Variants in LAMA4 observed in about 807,000 individuals in gnomAD.
LAMA4 encodes the protein laminin subunit alpha-4.
LAMA4 carries 127 observed loss-of-function variants against 207.1 expected under a neutral mutation model. That is an observed-to-expected ratio of 0.61 (90% confidence interval 0.53 to 0.71). The LOEUF (loss-of-function observed/expected upper bound fraction) is 0.71. Ranked by LOEUF, LAMA4 falls within the 30% of genes least tolerant of loss-of-function variation. The pLI is 0.00. For missense variants in LAMA4, 2,093 were observed against 2,246.5 expected, an observed-to-expected ratio of 0.93 and a Z score of 1.38; for synonymous variants, 761 against 816.0, an observed-to-expected ratio of 0.93 and a Z score of 1.15.
intron 24 of LAMA4, among the ~76,000 whole-genome samples, chr6:112,136,647 G>A (rs527821815): frequency 3.5e-4 from 53 of 150,078 alleles, no homozygotes; most frequent in African/African-American, 1.3e-3. Flanking sequence ...AGCCGAGATC[G>A]TGACACTGCA....
intron 5 of LAMA4, among the ~76,000 whole-genome samples, chr6:112,196,239 C>A (rs1554350463): frequency 6.6e-6 from 1 of 152,056 alleles, no homozygotes; most frequent in Non-Finnish European, 1.5e-5. Flanking sequence ...ACTATATTCA[C>A]CCTAGAATGC....
At chr6:112,244,385 G>A (rs550233779) in intron 2 of LAMA4, among the ~76,000 whole-genome samples, 6 of 152,350 alleles carry the variant, frequency 3.9e-5, no homozygotes, top group African/African-American at 1.4e-4. Flanking sequence ...TCACGGTTCT[G>A]AGACTTCCCC....
intron 17 of LAMA4, among the ~76,000 whole-genome samples, chr6:112,149,598 T>C (rs1780253184): frequency 6.6e-6 from 1 of 152,188 alleles, no homozygotes; most frequent in Non-Finnish European, 1.5e-5. Context: ...ACTGTAGTTT[T>C]CCTGAGGCCT....
At chr6:112,109,949 A>C (rs1554321102) in intron 38 of LAMA4, among the ~76,000 whole-genome samples, 1 of 152,220 alleles carries the variant, frequency 6.6e-6, no homozygotes, top group Admixed American at 6.5e-5. Flanking sequence ...TTTGCTAAGA[A>C]GGAGGAAAGA....
At chr6:112,143,670 C>T (rs1409278210) in intron 19 of LAMA4, among the ~76,000 whole-genome samples, 1 of 152,212 alleles carries the variant, frequency 6.6e-6, no homozygotes, top group African/African-American at 2.4e-5. Flanking sequence ...TGCATGTCTG[C>T]ATGAAAAGCA....
intron 7 of LAMA4, 151 bp from the exon 8 acceptor site, chr6:112,187,752 T>C (rs1463634923): frequency 2.4e-6 from 2 of 850,854 alleles, no homozygotes; most frequent in Non-Finnish European, 3.8e-6. Context: ...CAGGCTTTAG[T>C]ATCTTGCTTG....
chr6:112,120,211 T>C, intron 33 of LAMA4, 72 bp downstream of exon 33: 1 of 1,214,236 alleles, frequency 8.2e-7, no homozygotes, highest in Non-Finnish European at 1.2e-6. Context: ...GAGAGAGTAA[T>C]GGAGGCCCAT....
intron 5 of LAMA4, among the ~76,000 whole-genome samples, chr6:112,195,587 G>T (rs1417514779): frequency 3.9e-5 from 6 of 152,070 alleles, no homozygotes; most frequent in Non-Finnish European, 7.4e-5. Flanking sequence ...TGATGATACT[G>T]TGTTCTGCCT....
chr6:112,231,570 C>T (rs781929678), intron 2 of LAMA4, among the ~76,000 whole-genome samples: 8 of 152,280 alleles, frequency 5.3e-5, no homozygotes, highest in South Asian at 2.1e-4. Flanking sequence ...AGAAGCCAGT[C>T]GTATGACATC....
chr6:112,231,788 A>G (rs1348790071), intron 2 of LAMA4, among the ~76,000 whole-genome samples: 1 of 152,226 alleles, frequency 6.6e-6, no homozygotes, highest in South Asian at 2.1e-4. Context: ...CATAAATTGT[A>G]CTAATAAAAT....
rs1554330862 is a variant in LAMA4, at chr6:112,134,516, A to G, written c.3508T>C (p.Phe1170Leu). ...SMDNEKMKIP[F>L]TDIYIGGAPP... ...GCTCCTCCAATGTATATATCTGTAAAAGGTATTTTCATCTTTTCATTATCC... is the reference window on the plus strand; with the variant it reads ...GCTCCTCCAATGTATATATCTGTAAGAGGTATTTTCATCTTTTCATTATCC... The change falls in exon 26 of 39, where the codon TTT (phenylalanine) becomes CTT (leucine). Residue 1170 changes from phenylalanine (F) to leucine (L), a missense_variant. Phe to Leu is a conservative substitution (Grantham distance 22). Transcript: ENST00000230538. The G allele has an allele frequency of 6.2e-7, 1 of 1,613,176 alleles. No individual in the cohort carries two copies. Among genetic ancestry groups the G allele is most frequent in the Non-Finnish European group, 8.5e-7 (1 of 1,179,340 alleles).
chr6:112,114,746 T>C lies in LAMA4; in HGVS notation c.5123A>G (p.Lys1708Arg). The C allele has an allele frequency of 6.2e-7, 1 of 1,608,638 alleles. No homozygotes were observed. The highest frequency in any genetic ancestry group is 8.5e-7 in the Non-Finnish European group (1 of 1,175,122). Reference sequence around the variant, plus strand: ...AAAATCTCTGATGCCATTATTGACTTTCACTATGACCTGCAAAAGATAGGA... The same window carrying C: ...AAAATCTCTGATGCCATTATTGACTCTCACTATGACCTGCAAAAGATAGGA... ...VHMKNGQVIV[K>R]VNNGIRDFST... is the part of the protein sequence containing the mutation. The change falls in exon 37 of 39, where the codon AAA becomes AGA. Residue 1708 changes from lysine to arginine, a missense_variant. Lys to Arg is a conservative substitution (Grantham distance 26). This residue lies in a region of LAMA4 where 383 missense variants were observed against 437.8 expected (regional missense o/e 0.87). Transcript: ENST00000230538.
Position 112,243,320 on chromosome 6 carries a change from G to A in LAMA4, c.195+10636C>T, listed in dbSNP as rs567412205. Among the ~76,000 whole-genome samples, 5 of 152,172 alleles carry A rather than the reference G, an allele frequency of 3.3e-5. No homozygotes were observed. The South Asian group carries it at 1.0e-3, about 32-fold the overall frequency. On this transcript the variant is annotated intron_variant, in intron 2 of 38. Coordinates refer to ENST00000230538, the MANE Select transcript of LAMA4 (RefSeq NM_001105206.3). ...AGGCCAGGGCCCTGTGTTTCTTTCA[G>A]GCTCTGGACTCTTAAAGTCTTGGGT...
At position 112,253,999 on chromosome 6, in the gene LAMA4, C is replaced by G. The variant is rs1281283159; in HGVS notation, c.152G>C (p.Ser51Thr). 5.7e-6 allele frequency: 9 copies of G among 1,586,722 alleles called. No homozygotes were observed. The highest frequency in any genetic ancestry group is 1.3e-5 in the African/African-American group (1 of 74,338). ...AVGRQDPPET[S>T]EPRVALGRLP... ...GCGTCCCAGAGCCACGCGGGGTTCG[C>G]TCGTCTCAGGCGGGTCTTGCCTGCC... The change falls in exon 2 of 39, where the codon AGC (serine) becomes ACC (threonine). Residue 51 changes from serine to threonine, a missense_variant. This residue lies in a region of LAMA4 where 1,704 missense variants were observed against 1,788.4 expected (regional missense o/e 0.95). Transcript: ENST00000230538.
chr6:112,137,585 T>C (rs985097389), intron 24 of LAMA4, among the ~76,000 whole-genome samples: 1 of 152,240 alleles, frequency 6.6e-6, no homozygotes, highest in Non-Finnish European at 1.5e-5. Context: ...TCCTCATCCA[T>C]TTCTTTGCTT....
chr6:112,126,559 T>A (rs1364603478), intron 31 of LAMA4, among the ~76,000 whole-genome samples: 8 of 152,186 alleles, frequency 5.3e-5, no homozygotes, highest in African/African-American at 1.9e-4. Flanking sequence ...CAGTCATGTA[T>A]GAACAAAGGA....
chr6:112,239,416 G>A (rs1361346379), intron 2 of LAMA4, among the ~76,000 whole-genome samples: 6 of 150,742 alleles, frequency 4.0e-5, no homozygotes, highest in Admixed American at 6.6e-5. Context: ...TATTTTTTAT[G>A]GCAGCCCCAG....
At position 112,109,574 on chromosome 6, in the gene LAMA4, G is replaced by A. The variant is rs782607962; in HGVS notation, c.5335C>T (p.Leu1779=). ...TTGCTGGGGGCCAAGCGTGGTGTCA[G>A]TAGAGATTCTGAAAAGAGCAAGAAA... ...VFVGGVPESL[L]TPRLAPSKPF... is the part of the protein sequence containing the mutation. The change falls in exon 39 of 39, where the codon CTG becomes TTG. Residue 1779 remains leucine, a synonymous_variant. Coordinates refer to ENST00000230538, the MANE Select transcript of LAMA4 (RefSeq NM_001105206.3). 5 of 1,613,994 alleles carry A rather than the reference G, an allele frequency of 3.1e-6. No individual in the cohort carries two copies. Among genetic ancestry groups the A allele is most frequent in the Non-Finnish European group, 3.4e-6 (4 of 1,179,982 alleles).
At chr6:112,175,524 A>C (rs782410561) in intron 10 of LAMA4, 44 bp from the exon 11 acceptor site, 1 of 1,604,358 alleles carries the variant, frequency 6.2e-7, no homozygotes. Context: ...GGGAGAGATG[A>C]CCAGGCACTA....
Sources: gnomAD v4.1 joint callset for allele counts (sites outside exome capture counted in the v4.1 genomes callset) on GRCh38, gnomAD v4.1.1 for gene constraint, gnomAD v4.1.1 regional missense constraint, MANE v1.5 for transcripts, NCBI Gene and HGNC (gene_info 2026-07-23, HGNC 2026-07-21) for gene names.